The following WASF2 variants were observed in gnomAD, a reference collection of about 807,000 sequenced individuals.
WASF2 encodes the protein actin-binding protein WASF2.
In WASF2, 14 loss-of-function variants were observed where a neutral mutation model predicts 45.0. The observed-to-expected ratio is 0.31, with a 90% CI of 0.21 to 0.49. WASF2 has a LOEUF of 0.49. WASF2 is among the 20% of genes least tolerant of loss of function. The probability of loss-of-function intolerance (pLI) is 0.99; values close to 1 mark genes in which losing one functional copy is unlikely to be tolerated. For synonymous variants in WASF2, 200 were observed against 236.3 expected (o/e 0.85, Z 1.41); for missense variants, 439 against 636.1 (o/e 0.69, Z 3.33).
chr1:27,446,073 T>A (rs556390582), intron 1 of WASF2, among the ~76,000 whole-genome samples: 97 of 152,276 alleles, frequency 6.4e-4, no homozygotes, highest in Non-Finnish European at 9.6e-4. Context: ...AAGTCTTTTT[T>A]AATTATTAAA....
At chr1:27,431,289 C>G (rs1240309127) in intron 1 of WASF2, among the ~76,000 whole-genome samples, 1 of 152,042 alleles carries the variant, frequency 6.6e-6, no homozygotes, top group African/African-American at 2.4e-5. Flanking sequence ...TAGTCCAAAC[C>G]CTGGACTTTC....
At position 27,490,103 on chromosome 1, in the gene WASF2, G is replaced by A. The variant is rs1416011122; in HGVS notation, c.-161C>T. ...TGCCAAACGGCCGGACCCCCTCAGCGCGCTACGCCCCCAGCCGCGCTCGCC... is the reference window on the plus strand; with the variant it reads ...TGCCAAACGGCCGGACCCCCTCAGCACGCTACGCCCCCAGCCGCGCTCGCC... On this transcript the variant is annotated 5_prime_UTR_variant, in exon 1 of 9. Transcript: ENST00000618852. 2.0e-5 allele frequency: 3 copies of A among 152,244 alleles called. No homozygotes were observed. The East Asian group carries it at 5.8e-4, about 29-fold the overall frequency. The allele number at this position is 152,244 out of a possible 1,614,324, so 9.4% of individuals were successfully genotyped here.
At chr1:27,430,662 G>A (rs371730243) in intron 1 of WASF2, among the ~76,000 whole-genome samples, 8 of 151,592 alleles carry the variant, frequency 5.3e-5, no homozygotes, top group Admixed American at 1.3e-4. Flanking sequence ...TTTTTGAGAC[G>A]GGGTCTCACT....
intron 1 of WASF2, among the ~76,000 whole-genome samples, chr1:27,454,153 GTATATATATATATA>G (rs869245464): frequency 4.1e-5 from 4 of 98,720 alleles, no homozygotes; most frequent in Admixed American, 2.6e-4. Flanking sequence ...GTGTGTGTGT[GTATATATATATATA>G]TATATATATA....
intron 1 of WASF2, among the ~76,000 whole-genome samples, chr1:27,470,537 G>T (rs2017674489): frequency 6.6e-6 from 1 of 152,022 alleles, no homozygotes; most frequent in Non-Finnish European, 1.5e-5. Context: ...GAGAATGGTG[G>T]GGCCAATGTT....
At chr1:27,453,158 T>C (rs1004911876) in intron 1 of WASF2, among the ~76,000 whole-genome samples, 13 of 151,632 alleles carry the variant, frequency 8.6e-5, no homozygotes, top group African/African-American at 3.1e-4. Context: ...TGAGCTGAGA[T>C]CACACCACTG....
chr1:27,425,708 G>A (rs1247400391), intron 2 of WASF2, among the ~76,000 whole-genome samples: 3 of 151,906 alleles, frequency 2.0e-5, no homozygotes, highest in Non-Finnish European at 2.9e-5. Context: ...GCATGGTGGC[G>A]GGCGCCTGTA....
chr1:27,482,353 A>G (rs2017863317), intron 1 of WASF2, among the ~76,000 whole-genome samples: 1 of 152,220 alleles, frequency 6.6e-6, no homozygotes, highest in Non-Finnish European at 1.5e-5. Flanking sequence ...CCCATTCTAA[A>G]CATGTTTTTT....
Position 27,454,177 on chromosome 1 carries a change from ATATATATATATTTT to A in WASF2, c.-43-25258_-43-25245del, listed in dbSNP as rs1401849802. 5.1e-3 allele frequency among the ~76,000 whole-genome samples: 101 copies of A among 19,898 alleles called. 1 individual carries two copies. In the East Asian group the frequency reaches 0.089, roughly 18 times the overall value. The allele number at this position is 19,898 out of a possible 152,430, so 13.1% of individuals were successfully genotyped here. A position where few individuals can be genotyped will look rare whatever the true frequency, so the allele number is the denominator to read the frequency against. ...TGTATATATATATATATATATATATATATATATATATTTTTTTTTTTTTTTTTTTTTTAAAGATA... is the reference window on the plus strand; with the variant it reads ...TGTATATATATATATATATATATATATTTTTTTTTTTTTTTTTTAAAGATA... On this transcript the variant is annotated intron_variant, in intron 1 of 8. Transcript: ENST00000618852.
At position 27,408,353 on chromosome 1, in the gene WASF2, G is replaced by A. The variant is rs377134636; in HGVS notation, c.1340-7C>T. On this transcript the variant is annotated splice_region_variant and splice_polypyrimidine_tract_variant and intron_variant, in intron 8 of 8. Coordinates refer to ENST00000618852, the MANE Select transcript of WASF2 (RefSeq NM_006990.5). ...ACCCTGCGCAGCTGAAAACCTAGTG[G>A]CAAAGAGACAGAAGGGTGAGGAAGG... 1,713 of 1,614,214 alleles carry A rather than the reference G, an allele frequency of 1.1e-3. 29 individuals are homozygous for A. The South Asian group carries it at 0.017, about 16-fold the overall frequency.
intron 1 of WASF2, among the ~76,000 whole-genome samples, chr1:27,442,990 C>CAAA (rs782114128): frequency 1.1e-3 from 71 of 64,192 alleles, no homozygotes; most frequent in African/African-American, 3.1e-3. Flanking sequence ...GACTCTGTCT[C>CAAA]AAAAAAAAAA....
Position 27,415,000 on chromosome 1 carries a change from A to G in WASF2, c.538-37T>C, listed in dbSNP as rs1208118593. The G allele has an allele frequency of 1.2e-6, 2 of 1,606,964 alleles. No individual in the cohort carries two copies. Among genetic ancestry groups the G allele is most frequent in the Non-Finnish European group, 1.7e-6 (2 of 1,176,040 alleles). On this transcript the variant is annotated intron_variant, in intron 5 of 8. Transcript: ENST00000618852. The surrounding 1 kb of genome is among the most constrained non-coding windows in gnomAD (Gnocchi z 4.1). ...AGGAACAGGAAGGTCTTTGTAGAACATTTTCCAAGTTCTTCATTAAAATTC... is the reference window on the plus strand; with the variant it reads ...AGGAACAGGAAGGTCTTTGTAGAACGTTTTCCAAGTTCTTCATTAAAATTC...
At chr1:27,443,099 G>A (rs940264246) in intron 1 of WASF2, among the ~76,000 whole-genome samples, 3 of 151,272 alleles carry the variant, frequency 2.0e-5, no homozygotes, top group Admixed American at 6.6e-5. Flanking sequence ...AGGAAGTCGA[G>A]CCTGCAGTAG....
chr1:27,483,695 C>G (rs2017885159), intron 1 of WASF2, among the ~76,000 whole-genome samples: 1 of 151,676 alleles, frequency 6.6e-6, no homozygotes, highest in African/African-American at 2.4e-5. Flanking sequence ...TTATGCTTAT[C>G]CCTGTAATCT....
chr1:27,417,925 C>T (rs898061617), intron 4 of WASF2, among the ~76,000 whole-genome samples: 2 of 125,094 alleles, frequency 1.6e-5, no homozygotes, highest in African/African-American at 5.4e-5. Context: ...TGCTGTAGGA[C>T]CGCCTTGTAA....
At chr1:27,488,734 ACCTCTGC>A (rs1271149729) in intron 1 of WASF2, among the ~76,000 whole-genome samples, 10 of 152,148 alleles carry the variant, frequency 6.6e-5, no homozygotes, top group African/African-American at 2.2e-4. Flanking sequence ...CTGAGGCCAG[ACCTCTGC>A]CCCCATTTGT....
In WASF2 at chr1:27,477,666, G is replaced by A. The variant is rs924513729; in HGVS notation, c.-44+12320C>T. On this transcript the variant is annotated intron_variant, in intron 1 of 8. Transcript: ENST00000618852. ...TGTAATCCCAGCACTTTGGGAGGCCGAGGCGGGCGGATCACGAGGTCAGGA... is the reference window on the plus strand; with the variant it reads ...TGTAATCCCAGCACTTTGGGAGGCCAAGGCGGGCGGATCACGAGGTCAGGA... Among the ~76,000 whole-genome samples the A allele has an allele frequency of 4.9e-4, 51 of 104,982 alleles. 6 individuals carry two copies. Among genetic ancestry groups the A allele is most frequent in the Middle Eastern group, 8.5e-3 (2 of 234 alleles). 68.9% of individuals were successfully genotyped at this position (104,982 alleles called of 152,430 possible). A position where few individuals can be genotyped will look rare whatever the true frequency, so the allele number is the denominator to read the frequency against.
chr1:27,442,637 C>T (rs1258274672), intron 1 of WASF2, among the ~76,000 whole-genome samples: 2 of 151,516 alleles, frequency 1.3e-5, no homozygotes, highest in Admixed American at 1.3e-4. Flanking sequence ...GATGGGCAGA[C>T]TGCTTGAGCC....
intron 1 of WASF2, among the ~76,000 whole-genome samples, chr1:27,469,961 G>T (rs887101117): frequency 5.9e-5 from 9 of 152,088 alleles, no homozygotes; most frequent in Admixed American, 5.9e-4. Flanking sequence ...AAAAGGTGAA[G>T]TTACGGTTTA....
Sources: gnomAD v4.1 joint callset for allele counts (sites outside exome capture counted in the v4.1 genomes callset) on GRCh38, gnomAD v4.1.1 for gene constraint, Gnocchi (gnomAD v3.1) non-coding constraint, MANE v1.5 for transcripts, NCBI Gene and HGNC (gene_info 2026-07-23, HGNC 2026-07-21) for gene names.